The following CCDC191 variants were observed in gnomAD, a reference collection of about 807,000 sequenced individuals.
CCDC191 encodes the protein coiled-coil domain-containing protein 191.
Under a neutral mutation model 114.0 loss-of-function variants are expected in CCDC191, and 99 were observed. The ratio of observed to expected loss-of-function variants is 0.87; its 90% CI spans 0.74 to 1.03. CCDC191 has a LOEUF of 1.03. Ranked by LOEUF, CCDC191 falls within the 50% of genes least tolerant of loss-of-function variation. CCDC191 has a pLI of 0.00. For missense variants in CCDC191, 973 were observed against 1,087.0 expected (o/e 0.90, Z 1.47); for synonymous variants, 351 against 376.0 (o/e 0.93, Z 0.77).
chr3:114,024,566 T>A (rs1010249059), intron 7 of CCDC191, among the ~76,000 whole-genome samples: 1 of 152,144 alleles, frequency 6.6e-6, no homozygotes, highest in Non-Finnish European at 1.5e-5. Flanking sequence ...CAGATGAAGC[T>A]GGAAACCATC....
intron 9 of CCDC191, among the ~76,000 whole-genome samples, chr3:114,006,617 T>TATATATATATATATATATAA (rs1482068610): frequency 3.0e-4 from 36 of 118,418 alleles, no homozygotes; most frequent in African/African-American, 1.1e-3. Context: ...TATATATATA[T>TATATATATATATATATATAA]AAATATATAT....
chr3:113,976,520 G>C (rs563057209), intron 16 of CCDC191, among the ~76,000 whole-genome samples: 3 of 152,022 alleles, frequency 2.0e-5, no homozygotes, highest in South Asian at 4.2e-4. Context: ...CAGATGAGAT[G>C]GTTTGTGCAA....
intron 13 of CCDC191, among the ~76,000 whole-genome samples, chr3:113,991,948 C>T (rs2107637576): frequency 6.6e-6 from 1 of 151,986 alleles, no homozygotes; most frequent in Middle Eastern, 3.4e-3. Context: ...ACAAATCTAA[C>T]AAAATGTGAG....
chr3:113,983,655 G>A (rs2075252434), intron 13 of CCDC191, among the ~76,000 whole-genome samples: 1 of 152,162 alleles, frequency 6.6e-6, no homozygotes, highest in African/African-American at 2.4e-5. Flanking sequence ...TCAGACGGCA[G>A]GGCTGTTATC....
intron 6 of CCDC191, among the ~76,000 whole-genome samples, chr3:114,032,726 C>T (rs937219446): frequency 2.6e-5 from 4 of 152,122 alleles, no homozygotes. Context: ...GTAATGTTAA[C>T]CTTCATCACT....
At chr3:114,031,874 CT>C (rs1577452359) in intron 6 of CCDC191, 95 bp from the exon 7 acceptor site, 1 of 624,844 alleles carries the variant, frequency 1.6e-6, no homozygotes. Context: ...CTGAATTCTC[CT>C]TCGGAATACA....
intron 13 of CCDC191, among the ~76,000 whole-genome samples, chr3:113,996,356 T>A (rs879124797): frequency 6.6e-6 from 1 of 152,224 alleles, no homozygotes; most frequent in South Asian, 2.1e-4. Flanking sequence ...CACCATTTAT[T>A]AAATAGGGAA....
At chr3:113,991,527 A>G (rs141482531) in intron 13 of CCDC191, among the ~76,000 whole-genome samples, 101 of 152,320 alleles carry the variant, frequency 6.6e-4, no homozygotes, top group African/African-American at 2.4e-3. Flanking sequence ...CCTTCATCTA[A>G]TAAAAGACAT....
chr3:113,977,024 T>C (rs1941413028), intron 16 of CCDC191, among the ~76,000 whole-genome samples: 1 of 152,282 alleles, frequency 6.6e-6, no homozygotes, highest in East Asian at 1.9e-4. Context: ...GGCACCCTCA[T>C]GGCAATAAGA....
intron 13 of CCDC191, among the ~76,000 whole-genome samples, chr3:113,988,081 CA>C (rs570004230): frequency 2.7e-5 from 4 of 150,112 alleles, no homozygotes; most frequent in Non-Finnish European, 5.9e-5. Flanking sequence ...ATAAAAACTC[CA>C]AAAAAACACA....
At chr3:113,995,119 G>A (rs1312027914) in intron 13 of CCDC191, among the ~76,000 whole-genome samples, 1 of 152,130 alleles carries the variant, frequency 6.6e-6, no homozygotes, top group Non-Finnish European at 1.5e-5. Flanking sequence ...TGAATCCACT[G>A]TTATGACTTC....
At chr3:114,009,073 A>AT in intron 9 of CCDC191, among the ~76,000 whole-genome samples, 2 of 152,288 alleles carry the variant, frequency 1.3e-5, no homozygotes, top group African/African-American at 2.4e-5. Context: ...AAGGTACAGT[A>AT]AAAACAGTAT....
At chr3:114,013,215 C>T (rs1489923673) in intron 8 of CCDC191, among the ~76,000 whole-genome samples, 1 of 151,458 alleles carries the variant, frequency 6.6e-6, no homozygotes, top group Admixed American at 6.6e-5. Flanking sequence ...CACTGCACTC[C>T]AGCCTGGGCA....
chr3:114,034,555 T>G (rs2076453985), intron 6 of CCDC191, among the ~76,000 whole-genome samples: 1 of 152,220 alleles, frequency 6.6e-6, no homozygotes. Context: ...CATTGCAATC[T>G]TATAATGGTG....
At chr3:114,034,119 T>C (rs1407257675) in intron 6 of CCDC191, among the ~76,000 whole-genome samples, 1 of 152,248 alleles carries the variant, frequency 6.6e-6, no homozygotes, top group Non-Finnish European at 1.5e-5. Context: ...TATTTTCATC[T>C]TCCTCTTATG....
chr3:114,014,597 CTATG>C (rs1168754771), intron 8 of CCDC191, among the ~76,000 whole-genome samples: 1 of 152,168 alleles, frequency 6.6e-6, no homozygotes, highest in Non-Finnish European at 1.5e-5. Flanking sequence ...GCAAGACTGC[CTATG>C]TACTAGTTTA....
At chr3:113,990,931 CAAAAAAAAAAAA>C (rs35483860) in intron 13 of CCDC191, among the ~76,000 whole-genome samples, 4 of 47,634 alleles carry the variant, frequency 8.4e-5, no homozygotes, top group South Asian at 8.7e-4. Flanking sequence ...TAAAGCACCT[CAAAAAAAAAAAA>C]AAAAAAAAAA....
chr3:113,986,672 A>G (rs2075370535), intron 13 of CCDC191, among the ~76,000 whole-genome samples: 1 of 152,188 alleles, frequency 6.6e-6, no homozygotes, highest in African/African-American at 2.4e-5. Context: ...GTGTGGCTGT[A>G]TTTGAACATA....
chr3:114,018,235 T>C (rs1042973495), intron 8 of CCDC191, among the ~76,000 whole-genome samples: 1 of 152,246 alleles, frequency 6.6e-6, no homozygotes, highest in Non-Finnish European at 1.5e-5. Flanking sequence ...AATTGTAAGA[T>C]GGTCCAGGGT....
Sources: gnomAD v4.1 joint callset for allele counts (sites outside exome capture counted in the v4.1 genomes callset) on GRCh38, gnomAD v4.1.1 for gene constraint, MANE v1.5 for transcripts, NCBI Gene and HGNC (gene_info 2026-07-23, HGNC 2026-07-21) for gene names.